SLC5A8: variants seen among roughly 807,000 people sequenced by gnomAD.
SLC5A8 encodes solute carrier family 5 member 8.
SLC5A8 carries 55 observed loss-of-function variants against 71.9 expected under a neutral mutation model. That is an observed-to-expected ratio of 0.77 (90% CI 0.62 to 0.96). SLC5A8 has a LOEUF of 0.96. Among genes scored for constraint, SLC5A8 ranks in the 40% least tolerant of loss-of-function variants. The pLI is 0.00. For synonymous variants in SLC5A8, 307 were observed against 276.1 expected, an observed-to-expected ratio of 1.11 and a Z score of -1.11; for missense variants, 701 against 745.3, an observed-to-expected ratio of 0.94 and a Z score of 0.69.
chr12:101,182,190 T>C (rs1386690477), intron 9 of SLC5A8, among the ~76,000 whole-genome samples: 2 of 152,198 alleles, frequency 1.3e-5, no homozygotes, highest in African/African-American at 4.8e-5. Flanking sequence ...TGCACAAATT[T>C]ATAGTTCATC....
chr12:101,174,387 T>C (rs2051859821), intron 10 of SLC5A8, among the ~76,000 whole-genome samples: 1 of 152,198 alleles, frequency 6.6e-6, no homozygotes, highest in African/African-American at 2.4e-5. Context: ...GCTGGTGTCA[T>C]GGGCCAGATA....
chr12:101,203,439 C>T (rs541241392), intron 2 of SLC5A8, among the ~76,000 whole-genome samples: 3 of 152,304 alleles, frequency 2.0e-5, no homozygotes, highest in African/African-American at 7.2e-5. Flanking sequence ...CTTCTGCCTC[C>T]TGGGTTCAAG....
At chr12:101,157,820 A>G (rs2051680889) in intron 14 of SLC5A8, among the ~76,000 whole-genome samples, 2 of 152,188 alleles carry the variant, frequency 1.3e-5, no homozygotes, top group Admixed American at 1.3e-4. Context: ...TACAACAGGT[A>G]TAGCTCATCA....
chr12:101,184,835 A>G (rs1026603880), intron 7 of SLC5A8, among the ~76,000 whole-genome samples: 1 of 152,232 alleles, frequency 6.6e-6, no homozygotes, highest in Admixed American at 6.5e-5. Flanking sequence ...ACTTCCTGAT[A>G]CTAACTTGCT....
At chr12:101,166,220 C>T (rs2051768239) in intron 12 of SLC5A8, among the ~76,000 whole-genome samples, 1 of 152,152 alleles carries the variant, frequency 6.6e-6, no homozygotes, top group Non-Finnish European at 1.5e-5. Flanking sequence ...CAGCTAAGAG[C>T]TGGTGTTTAG....
At chr12:101,176,539 T>C (rs2051881701) in intron 10 of SLC5A8, among the ~76,000 whole-genome samples, 1 of 152,036 alleles carries the variant, frequency 6.6e-6, no homozygotes, top group Non-Finnish European at 1.5e-5. Flanking sequence ...TCCTAGGTTA[T>C]AAAACAGACC....
rs1444342258 is a variant in SLC5A8, at chr12:101,155,673, T to G, written c.*1606A>C. 1 of 151,560 alleles carries G rather than the reference T, an allele frequency of 6.6e-6. No individual in the cohort carries two copies. Among genetic ancestry groups the G allele is most frequent in the African/African-American group, 2.4e-5 (1 of 41,258 alleles). The allele number at this position is 151,560 out of a possible 1,614,324, so 9.4% of individuals were successfully genotyped here. On this transcript the variant is annotated 3_prime_UTR_variant, in exon 15 of 15. Transcript: ENST00000536262. ...AGCTAAGTTTTTTTTATTTTTATTT[T>G]TTATTTTTGTAGAGATGAGGTCTAA...
At chr12:101,189,747 C>A (rs1306327602) in intron 6 of SLC5A8, among the ~76,000 whole-genome samples, 4 of 152,166 alleles carry the variant, frequency 2.6e-5, no homozygotes, top group Non-Finnish European at 5.9e-5. Flanking sequence ...CTCCACCTGC[C>A]CAAATTATGA....
chr12:101,184,085 G>A, intron 8 of SLC5A8, 49 bp downstream of exon 8: 1 of 1,565,394 alleles, frequency 6.4e-7, no homozygotes, highest in Non-Finnish European at 8.8e-7. Context: ...AATAATAAAA[G>A]AAAGATCCCA....
intron 10 of SLC5A8, among the ~76,000 whole-genome samples, chr12:101,171,385 T>C (rs926742099): frequency 6.6e-6 from 1 of 152,126 alleles, no homozygotes; most frequent in African/African-American, 2.4e-5. Context: ...AGCCATAATA[T>C]ATCTCATTGT....
intron 8 of SLC5A8, among the ~76,000 whole-genome samples, chr12:101,183,132 G>A (rs1868446561): frequency 7.4e-6 from 1 of 134,458 alleles, no homozygotes; most frequent in South Asian, 2.4e-4. Flanking sequence ...TGCAAGCTCT[G>A]CCTCCCGGGT....
chr12:101,161,262 G>A (rs2051720943), intron 13 of SLC5A8, among the ~76,000 whole-genome samples: 1 of 152,186 alleles, frequency 6.6e-6, no homozygotes, highest in East Asian at 1.9e-4. Flanking sequence ...GCTATAGGAT[G>A]TGTTTCATTC....
intron 3 of SLC5A8, among the ~76,000 whole-genome samples, chr12:101,196,600 C>T (rs753850796): frequency 1.3e-5 from 2 of 151,870 alleles, no homozygotes; most frequent in Admixed American, 6.6e-5. Flanking sequence ...ATAAATGGAA[C>T]CTAACTGTAT....
At position 101,184,150 on chromosome 12, in the gene SLC5A8, A is replaced by G; in HGVS notation, c.1036T>C (p.Tyr346His). 1.2e-6 allele frequency: 2 copies of G among 1,614,038 alleles called. No homozygotes were observed. The highest frequency in any genetic ancestry group is 2.2e-5 in the East Asian group (1 of 44,878). ...GLPGLFVACA[Y>H]SGTLSTVSSS... ...AGTTCATACCTTAATGTCCCACTGT[A>G]AGCACAGGCCACAAAAAGTCCAGGA... Residue 346 changes from tyrosine (Y) to histidine (H), a missense_variant, in exon 8 of 15, where the codon TAC (tyrosine) becomes CAC (histidine). By Grantham distance (83) the Tyr-to-His change is moderately conservative (BLOSUM62 2). Coordinates refer to ENST00000536262, the MANE Select transcript of SLC5A8 (RefSeq NM_145913.5).
chr12:101,174,505 A>T (rs1352223896), intron 10 of SLC5A8, among the ~76,000 whole-genome samples: 1 of 152,200 alleles, frequency 6.6e-6, no homozygotes, highest in African/African-American at 2.4e-5. Context: ...AGTCCAGGTT[A>T]GTTACCAGCT....
In SLC5A8 at chr12:101,158,301, C is replaced by A. The variant is rs2051686602; in HGVS notation, c.1658G>T (p.Arg553Ile). ...AAAGTCCTCTTTGGTTAGTATGTAT[C>A]TGGGGTCTAAGTTCTGTTTTCTTCC... ...TGGRKQNLDP[R>I]YILTKEDFLS... Residue 553 changes from arginine (R) to isoleucine (I), a missense_variant, in exon 14 of 15, where the codon AGA becomes ATA. Arg to Ile is a moderately conservative substitution (Grantham distance 97, BLOSUM62 -3). Coordinates refer to ENST00000536262, the MANE Select transcript of SLC5A8 (RefSeq NM_145913.5). The A allele has an allele frequency of 1.3e-6, 2 of 1,587,438 alleles. No homozygotes were observed. Among genetic ancestry groups the A allele is most frequent in the Non-Finnish European group, 1.7e-6 (2 of 1,164,186 alleles).
At position 101,209,841 on chromosome 12, in the gene SLC5A8, G is replaced by C. The variant is rs1400867028; in HGVS notation, c.8C>G (p.Thr3Arg). The C allele has an allele frequency of 7.7e-6, 12 of 1,558,452 alleles. No individual in the cohort carries two copies. The South Asian group carries it at 1.5e-4, about 19-fold the overall frequency. Reference sequence around the variant, plus strand: ...CACGAAGGTGCCGATGCCCCGTGGCGTGTCCATGGCCGCACGGTCGCCTGA... The same window carrying C: ...CACGAAGGTGCCGATGCCCCGTGGCCTGTCCATGGCCGCACGGTCGCCTGA... MD[T>R]PRGIGTFVVW... is the part of the protein sequence containing the mutation. The change falls in exon 1 of 15, where the codon ACG becomes AGG. Residue 3 changes from threonine (T) to arginine (R), a missense_variant. Physicochemically the swap from Thr to Arg is moderately conservative, Grantham distance 71 (BLOSUM62 -1). Coordinates refer to ENST00000536262, the MANE Select transcript of SLC5A8 (RefSeq NM_145913.5).
In SLC5A8 at chr12:101,158,405, G is replaced by C. The variant is rs2051688150; in HGVS notation, c.1631-77C>G. The C allele has an allele frequency of 1.0e-5, 9 of 900,772 alleles. No homozygotes were observed. The South Asian group carries it at 1.4e-4, about 14-fold the overall frequency. 55.8% of individuals were successfully genotyped at this position (900,772 alleles called of 1,614,324 possible). ...TACACAGAGACATTCCATTATACAG[G>C]CATTTAACTTGTTCACGTTCAACTC... is the stretch of plus-strand genomic sequence containing the variant. On this transcript the variant is annotated intron_variant, in intron 13 of 14. Transcript: ENST00000536262.
chr12:101,202,079 T>C (rs1869479205), intron 3 of SLC5A8, 85 bp downstream of exon 3: 2 of 1,309,098 alleles, frequency 1.5e-6, no homozygotes, highest in East Asian at 2.4e-5. Context: ...TTCCTCCATC[T>C]CCCCATCTCC....
Sources: gnomAD v4.1 joint callset for allele counts (sites outside exome capture counted in the v4.1 genomes callset) on GRCh38, gnomAD v4.1.1 for gene constraint, MANE v1.5 for transcripts, NCBI Gene and HGNC (gene_info 2026-07-23, HGNC 2026-07-21) for gene names.